The following SCLT1 variants were observed in gnomAD, a reference collection of about 807,000 sequenced individuals.
SCLT1 encodes sodium channel-associated protein 1.
In SCLT1, 78 loss-of-function variants were observed where a neutral mutation model predicts 112.8. That is an observed-to-expected ratio of 0.69 (90% CI 0.58 to 0.83). The LOEUF (loss-of-function observed/expected upper bound fraction) is 0.83, where lower values mean the gene tolerates loss of function less well. SCLT1 is among the 40% of genes least tolerant of loss of function. The probability of loss-of-function intolerance (pLI) is 0.00; values close to 1 mark genes in which losing one functional copy is unlikely to be tolerated. For synonymous variants in SCLT1, 257 were observed against 254.7 expected (o/e 1.01, Z -0.09); for missense variants, 747 against 770.4 (o/e 0.97, Z 0.36).
chr4:129,028,746 C>A (rs924276577), intron 5 of SCLT1, among the ~76,000 whole-genome samples: 1 of 151,946 alleles, frequency 6.6e-6, no homozygotes, highest in African/African-American at 2.4e-5. Flanking sequence ...AGGCAACCTA[C>A]AAAAAGGGAG....
chr4:128,884,242 A>T lies in SCLT1; in HGVS notation c.*235T>A, dbSNP rs1001816975. ...AACAGACACATTGATGAAGGCAATG[A>T]GTTCTTCTCAGCTGGTTTATTCTCC... On this transcript the variant is annotated 3_prime_UTR_variant, in exon 21 of 21. Transcript: ENST00000281142. 1 of 360,540 alleles carries T rather than the reference A, an allele frequency of 2.8e-6. No individual in the cohort carries two copies. The highest frequency in any genetic ancestry group is 2.1e-5 in the African/African-American group (1 of 47,718). The allele number at this position is 360,540 out of a possible 1,614,324, so 22.3% of individuals were successfully genotyped here. A position where few individuals can be genotyped will look rare whatever the true frequency, so the allele number is the denominator to read the frequency against.
At chr4:128,925,348 C>CT (rs915149081) in intron 18 of SCLT1, among the ~76,000 whole-genome samples, 87 of 146,430 alleles carry the variant, frequency 5.9e-4, no homozygotes, top group Admixed American at 2.1e-3. Context: ...GCCGTTAGTT[C>CT]TTTTTTTTTT....
At position 128,992,157 on chromosome 4, in the gene SCLT1, T is replaced by C. The variant is rs1742628950; in HGVS notation, c.686+10A>G. 5 of 1,534,158 alleles carry C rather than the reference T, an allele frequency of 3.3e-6. No individual in the cohort carries two copies. Among genetic ancestry groups the C allele is most frequent in the African/African-American group, 2.7e-5 (2 of 73,024 alleles). ...AACAATGAAATAATGAAACTCATTT[T>C]TGAAAATACCTAAGTTTTTTTCGGA... On this transcript the variant is annotated intron_variant, in intron 9 of 20. Coordinates refer to ENST00000281142, the MANE Select transcript of SCLT1 (RefSeq NM_144643.4).
intron 17 of SCLT1, among the ~76,000 whole-genome samples, chr4:128,938,623 A>T (rs1042731945): frequency 3.9e-5 from 6 of 152,148 alleles, no homozygotes; most frequent in African/African-American, 1.4e-4. Flanking sequence ...ATGTTGGTCT[A>T]ACATCTCAGG....
At chr4:128,959,102 C>T (rs897537865) in intron 12 of SCLT1, among the ~76,000 whole-genome samples, 2 of 152,126 alleles carry the variant, frequency 1.3e-5, no homozygotes, top group Non-Finnish European at 2.9e-5. Flanking sequence ...TGACAAGGAA[C>T]ACTGTATTTG....
intron 2 of SCLT1, among the ~76,000 whole-genome samples, chr4:129,071,259 T>C (rs1032221026): frequency 6.6e-6 from 1 of 152,166 alleles, no homozygotes; most frequent in Admixed American, 6.5e-5. Flanking sequence ...CTGTGGTTGT[T>C]GGATGGAATG....
intron 2 of SCLT1, among the ~76,000 whole-genome samples, chr4:129,064,900 T>C (rs1232671394): frequency 6.6e-6 from 1 of 152,154 alleles, no homozygotes; most frequent in Non-Finnish European, 1.5e-5. Context: ...ACTCAGCATA[T>C]GGTCAATTTT....
chr4:129,069,203 A>AT (rs1750762268), intron 2 of SCLT1, among the ~76,000 whole-genome samples: 1 of 152,198 alleles, frequency 6.6e-6, no homozygotes, highest in African/African-American at 2.4e-5. Context: ...GAAATCAGGT[A>AT]GTATGATGCC....
chr4:128,981,271 A>G (rs1191727834), intron 9 of SCLT1, among the ~76,000 whole-genome samples: 1 of 152,178 alleles, frequency 6.6e-6, no homozygotes, highest in Non-Finnish European at 1.5e-5. Context: ...AGCCTTGGGA[A>G]GGAATTTAGT....
At chr4:129,040,084 GT>G (rs1437528983) in intron 4 of SCLT1, 2 of 674,478 alleles carry the variant, frequency 3.0e-6, no homozygotes, top group Admixed American at 4.1e-5. Flanking sequence ...GGAACAGGCA[GT>G]TCTGCCAGCC....
intron 12 of SCLT1, among the ~76,000 whole-genome samples, chr4:128,959,376 T>C (rs1406691838): frequency 6.6e-6 from 1 of 152,036 alleles, no homozygotes; most frequent in African/African-American, 2.4e-5. Flanking sequence ...TCTGGGAGAA[T>C]AAGAAAGTCT....
At chr4:128,960,311 A>G (rs1739577159) in intron 11 of SCLT1, among the ~76,000 whole-genome samples, 1 of 152,160 alleles carries the variant, frequency 6.6e-6, no homozygotes, top group South Asian at 2.1e-4. Flanking sequence ...ATATACACAC[A>G]TATTATACAT....
intron 9 of SCLT1, among the ~76,000 whole-genome samples, chr4:128,973,359 T>C (rs55722445): frequency 0.01 from 1,553 of 148,440 alleles, 16 homozygotes; most frequent in African/African-American, 0.028. Context: ...GGAGATAGCA[T>C]AGTACCTGGG....
At position 129,086,881 on chromosome 4, in the gene SCLT1, ACTT is replaced by A. The variant is rs369218012; in HGVS notation, c.35-4511_35-4509del. ...CAAAAAGTAGGGCAACTTGAATAGG[ACTT>A]CTGCTTATACTCAAGAAGAAATAAC... is the stretch of plus-strand genomic sequence containing the variant. On this transcript the variant is annotated intron_variant, in intron 1 of 20. Coordinates refer to ENST00000281142, the MANE Select transcript of SCLT1 (RefSeq NM_144643.4). 5.0e-3 allele frequency among the ~76,000 whole-genome samples: 762 copies of A among 152,236 alleles called. 6 individuals carry two copies. Among genetic ancestry groups the A allele is most frequent in the African/African-American group, 0.017 (716 of 41,520 alleles).
chr4:128,875,570 C>T (rs1732495316), intron 4 of SCLT1, among the ~76,000 whole-genome samples: 1 of 152,126 alleles, frequency 6.6e-6, no homozygotes, highest in South Asian at 2.1e-4. Context: ...TGACATTGGC[C>T]AAGTCACTTA....
In SCLT1 at chr4:128,892,731, C is replaced by T. The variant is rs139119855; in HGVS notation, c.1830-1594G>A. On this transcript the variant is annotated intron_variant, in intron 18 of 20. Transcript: ENST00000281142. ...ATGTGGTGGCAAACATAATTGTTGT[C>T]ATCACAGAACTGACAGACTACGAGG... 5.2e-3 allele frequency among the ~76,000 whole-genome samples: 792 copies of T among 152,244 alleles called. 13 individuals are homozygous for T. The highest frequency in any genetic ancestry group is 0.018 in the African/African-American group (755 of 41,546).
chr4:129,083,668 A>T (rs987648069), intron 1 of SCLT1, among the ~76,000 whole-genome samples: 2 of 151,444 alleles, frequency 1.3e-5, no homozygotes, highest in Admixed American at 6.6e-5. Flanking sequence ...CTATCTCAGA[A>T]AAAAAAAAGA....
chr4:129,014,632 T>A (rs1382342430), intron 5 of SCLT1, among the ~76,000 whole-genome samples: 1 of 152,234 alleles, frequency 6.6e-6, no homozygotes, highest in Non-Finnish European at 1.5e-5. Flanking sequence ...GGGATTTGTA[T>A]TGGGCCCTGA....
chr4:128,898,240 G>A (rs1445847913), intron 18 of SCLT1, among the ~76,000 whole-genome samples: 5 of 152,098 alleles, frequency 3.3e-5, no homozygotes, highest in African/African-American at 7.2e-5. Flanking sequence ...GCACCACACT[G>A]CACTTATTCC....
Sources: allele counts gnomAD v4.1 joint callset (sites outside exome capture counted in the v4.1 genomes callset), GRCh38; gene constraint gnomAD v4.1.1; transcripts MANE v1.5; gene names NCBI Gene and HGNC (gene_info 2026-07-23, HGNC 2026-07-21).